The following BNIP3L variants were observed in gnomAD, a reference collection of about 807,000 sequenced individuals.
The protein encoded by BNIP3L is BCL2/adenovirus E1B 19 kDa protein-interacting protein 3-like.
In BNIP3L, 10 loss-of-function variants were observed where a neutral mutation model predicts 25.5. The ratio of observed to expected loss-of-function variants is 0.39; its 90% CI spans 0.24 to 0.67. The LOEUF is 0.67. BNIP3L is among the 30% of genes least tolerant of loss of function. The probability of loss-of-function intolerance (pLI) is 0.45; values close to 1 mark genes in which losing one functional copy is unlikely to be tolerated. For synonymous variants in BNIP3L, 113 were observed against 101.2 expected (o/e 1.12, Z -0.70); for missense variants, 215 against 270.9 (o/e 0.79, Z 1.45).
chr8:26,409,177 C>A (rs1806567689), intron 5 of BNIP3L, among the ~76,000 whole-genome samples: 1 of 151,684 alleles, frequency 6.6e-6, no homozygotes, highest in Non-Finnish European at 1.5e-5. Flanking sequence ...TAAAATCAAC[C>A]TCATATTTAC....
At chr8:26,407,727 C>A (rs747162791) in intron 3 of BNIP3L, among the ~76,000 whole-genome samples, 1 of 152,230 alleles carries the variant, frequency 6.6e-6, no homozygotes, top group Non-Finnish European at 1.5e-5. Flanking sequence ...TTTCATACTT[C>A]CCTTAGCATT....
intron 3 of BNIP3L, among the ~76,000 whole-genome samples, chr8:26,397,539 C>T (rs1172803722): frequency 1.7e-4 from 18 of 107,860 alleles, no homozygotes; most frequent in East Asian, 7.8e-4. Context: ...TAAAGACCAT[C>T]GAGACTAGGA....
chr8:26,408,804 G>A (rs747195755), intron 5 of BNIP3L, among the ~76,000 whole-genome samples: 11 of 151,068 alleles, frequency 7.3e-5, no homozygotes, highest in African/African-American at 1.5e-4. Context: ...CATGGGAGGC[G>A]GAAATTGCAG....
rs1172767549 is a variant in BNIP3L, at chr8:26,410,720, A to G, written c.*308A>G. ...AGATTATAATTTTGTCAGCAATGCT[A>G]TTATCTCTAATTAGTGCCACCAGAC... On this transcript the variant is annotated 3_prime_UTR_variant, in exon 6 of 6. Transcript: ENST00000380629. 8.2e-6 allele frequency: 3 copies of G among 364,548 alleles called. No homozygotes were observed. The highest frequency in any genetic ancestry group is 2.1e-5 in the African/African-American group (1 of 48,050). 22.6% of individuals were successfully genotyped at this position (364,548 alleles called of 1,614,324 possible). A position where few individuals can be genotyped will look rare whatever the true frequency, so the allele number is the denominator to read the frequency against.
intron 3 of BNIP3L, among the ~76,000 whole-genome samples, chr8:26,403,585 T>C (rs1436546250): frequency 6.6e-6 from 1 of 151,572 alleles, no homozygotes; most frequent in Non-Finnish European, 1.5e-5. Flanking sequence ...TCACCCAGGC[T>C]GGAGTGTAGT....
chr8:26,387,779 G>T (rs73675963), intron 1 of BNIP3L, among the ~76,000 whole-genome samples: 4 of 152,120 alleles, frequency 2.6e-5, no homozygotes, highest in Non-Finnish European at 4.4e-5. Flanking sequence ...CACTTTTAAG[G>T]CTGTTAATAC....
At chr8:26,404,521 G>GTTTTTGT (rs1163747087) in intron 3 of BNIP3L, among the ~76,000 whole-genome samples, 4 of 152,102 alleles carry the variant, frequency 2.6e-5, no homozygotes, top group Non-Finnish European at 5.9e-5. Context: ...AATCTTCTTT[G>GTTTTTGT]TTTTTGTTTT....
intron 1 of BNIP3L, among the ~76,000 whole-genome samples, chr8:26,388,242 A>G (rs1282066769): frequency 6.6e-6 from 1 of 152,188 alleles, no homozygotes; most frequent in Non-Finnish European, 1.5e-5. Context: ...TATGATATAG[A>G]ATATAATTGT....
chr8:26,383,943 G>A (rs1251344635), intron 1 of BNIP3L, among the ~76,000 whole-genome samples: 4 of 151,564 alleles, frequency 2.6e-5, no homozygotes, highest in African/African-American at 9.7e-5. Context: ...GTAAAGCTGA[G>A]AGCAGCCTCC....
intron 5 of BNIP3L, 70 bp from the exon 6 acceptor site, chr8:26,410,294 T>C: frequency 6.3e-7 from 1 of 1,576,912 alleles, no homozygotes; most frequent in South Asian, 1.1e-5. Flanking sequence ...TTAAGTAGAG[T>C]TCAACCTGTG....
At chr8:26,385,899 C>A (rs1805982270) in intron 1 of BNIP3L, among the ~76,000 whole-genome samples, 1 of 152,124 alleles carries the variant, frequency 6.6e-6, no homozygotes, top group Admixed American at 6.5e-5. Context: ...TTTTTTAGCT[C>A]ATTACACAAC....
chr8:26,409,213 CAT>C (rs2117498595), intron 5 of BNIP3L, among the ~76,000 whole-genome samples: 1 of 152,218 alleles, frequency 6.6e-6, no homozygotes, highest in South Asian at 2.1e-4. Flanking sequence ...TTCTTAGCCA[CAT>C]CTTTTAAATA....
At chr8:26,398,746 AAGAG>A (rs1563340710) in intron 3 of BNIP3L, among the ~76,000 whole-genome samples, 1 of 87,120 alleles carries the variant, frequency 1.1e-5, no homozygotes, top group African/African-American at 4.8e-5. Context: ...TAAAGAAAAA[AAGAG>A]AGAAGAATCA....
At chr8:26,394,181 A>G (rs1806177687) in intron 2 of BNIP3L, among the ~76,000 whole-genome samples, 1 of 152,190 alleles carries the variant, frequency 6.6e-6, no homozygotes, top group Non-Finnish European at 1.5e-5. Flanking sequence ...AACTTAGCAC[A>G]TTCTGTTCAT....
In BNIP3L at chr8:26,402,615, G is replaced by A. The variant is rs144225617; in HGVS notation, c.358-5385G>A. On this transcript the variant is annotated intron_variant, in intron 3 of 5. Coordinates refer to ENST00000380629, the MANE Select transcript of BNIP3L (RefSeq NM_004331.3). ...GTAGTCGCATGAGTAATTCTGACCAGTTCCTGCAGTAAAGAAATTATAGTT... is the reference window on the plus strand; with the variant it reads ...GTAGTCGCATGAGTAATTCTGACCAATTCCTGCAGTAAAGAAATTATAGTT... Among the ~76,000 whole-genome samples, 1,174 of 152,278 alleles carry A rather than the reference G, an allele frequency of 7.7e-3. 6 individuals are homozygous for A. The highest frequency in any genetic ancestry group is 0.013 in the Non-Finnish European group (896 of 68,032).
chr8:26,411,969 C>T lies in BNIP3L; in HGVS notation c.*1557C>T, dbSNP rs1026671189. 1 of 152,556 alleles carries T rather than the reference C, an allele frequency of 6.6e-6. No homozygotes were observed. Among genetic ancestry groups the T allele is most frequent in the Non-Finnish European group, 1.5e-5 (1 of 68,026 alleles). 9.5% of individuals were successfully genotyped at this position (152,556 alleles called of 1,614,324 possible). ...GCAGAAACTAACTCTTTTCTCACATCAACATTTGTAAAATTGATGTGTTAT... is the reference window on the plus strand; with the variant it reads ...GCAGAAACTAACTCTTTTCTCACATTAACATTTGTAAAATTGATGTGTTAT... On this transcript the variant is annotated 3_prime_UTR_variant, in exon 6 of 6. Coordinates refer to ENST00000380629, the MANE Select transcript of BNIP3L (RefSeq NM_004331.3).
intron 1 of BNIP3L, among the ~76,000 whole-genome samples, chr8:26,387,094 C>T (rs545140996): frequency 1.3e-5 from 2 of 152,252 alleles, no homozygotes; most frequent in South Asian, 2.1e-4. Context: ...TCTTCATTCT[C>T]TCCTCCCCTT....
At chr8:26,402,142 TC>T (rs1806398314) in intron 3 of BNIP3L, among the ~76,000 whole-genome samples, 1 of 152,212 alleles carries the variant, frequency 6.6e-6, no homozygotes, top group Admixed American at 6.5e-5. Context: ...GCCACAGAAT[TC>T]CTCTATACTT....
In BNIP3L at chr8:26,410,521, GT is replaced by G; in HGVS notation, c.*114del. Reference sequence around the variant, plus strand: ...TAAGCATGACCCAACCTACCACCCTGTTTTTACATATCCAATTCCAGTAACT... The same window carrying G: ...TAAGCATGACCCAACCTACCACCCTGTTTTACATATCCAATTCCAGTAACT... On this transcript the variant is annotated 3_prime_UTR_variant, in exon 6 of 6. Coordinates refer to ENST00000380629, the MANE Select transcript of BNIP3L (RefSeq NM_004331.3). The G allele has an allele frequency of 1.6e-6, 2 of 1,232,792 alleles. No homozygotes were observed. Among genetic ancestry groups the G allele is most frequent in the Non-Finnish European group, 2.4e-6 (2 of 844,164 alleles). The allele number at this position is 1,232,792 out of a possible 1,614,324, so 76.4% of individuals were successfully genotyped here.
Sources: gnomAD v4.1 joint callset for allele counts (sites outside exome capture counted in the v4.1 genomes callset) on GRCh38, gnomAD v4.1.1 for gene constraint, MANE v1.5 for transcripts, NCBI Gene and HGNC (gene_info 2026-07-23, HGNC 2026-07-21) for gene names.